SOX5: variants seen among roughly 807,000 people sequenced by gnomAD.
SOX5 encodes transcription factor SOX-5.
A neutral mutation model predicts 92.0 loss-of-function variants in SOX5; 9 were observed. The observed-to-expected ratio is 0.10, with a 90% CI of 0.06 to 0.17. SOX5 has a LOEUF of 0.17. SOX5 is among the 10% of genes least tolerant of loss of function. The pLI is 1.00. For synonymous variants in SOX5, 344 were observed against 336.3 expected, an observed-to-expected ratio of 1.02 and a Z score of -0.25; for missense variants, 642 against 944.5, an observed-to-expected ratio of 0.68 and a Z score of 4.20.
At chr12:23,821,862 C>A (rs1417293952) in intron 3 of SOX5, among the ~76,000 whole-genome samples, 1 of 151,902 alleles carries the variant, frequency 6.6e-6, no homozygotes. Flanking sequence ...GGTGTATGTG[C>A]CCAGGAATTT....
rs1261702605 is a variant in SOX5, at chr12:24,454,556, G to A, written c.-250-85917C>T. 2.0e-5 allele frequency among the ~76,000 whole-genome samples: 3 copies of A among 152,044 alleles called. No individual in the cohort carries two copies. The East Asian group carries it at 5.8e-4, about 29-fold the overall frequency. ...AGTAACAGATGCACAAGTATTTACGGGAATCGCTTTCTTTCTATTTTTTCC... is the reference window on the plus strand; with the variant it reads ...AGTAACAGATGCACAAGTATTTACGAGAATCGCTTTCTTTCTATTTTTTCC... On this transcript the variant is annotated intron_variant, in intron 1 of 4. Transcript: ENST00000446891.
At chr12:24,213,004 G>C (rs1282453210) in intron 4 of SOX5, among the ~76,000 whole-genome samples, 4 of 152,096 alleles carry the variant, frequency 2.6e-5, no homozygotes, top group African/African-American at 9.6e-5. Flanking sequence ...TTAAGAATTT[G>C]ATTCTTAAAA....
intron 6 of SOX5, among the ~76,000 whole-genome samples, chr12:23,688,629 C>G (rs546051156): frequency 4.7e-4 from 72 of 152,164 alleles, no homozygotes; most frequent in African/African-American, 1.7e-3. Context: ...AATAGTTTAG[C>G]AAATTATCAG....
At chr12:24,403,844 A>G (rs1159281287) in intron 1 of SOX5, among the ~76,000 whole-genome samples, 2 of 152,220 alleles carry the variant, frequency 1.3e-5, no homozygotes, top group Non-Finnish European at 2.9e-5. Context: ...AAATCTTATC[A>G]TGGACTTGTT....
At chr12:23,721,899 T>C (rs2092837620) in intron 6 of SOX5, among the ~76,000 whole-genome samples, 1 of 152,186 alleles carries the variant, frequency 6.6e-6, no homozygotes, top group Non-Finnish European at 1.5e-5. Context: ...AAAACGAGGA[T>C]ATATGAATGG....
At chr12:24,485,308 T>A (rs1946406211) in intron 1 of SOX5, among the ~76,000 whole-genome samples, 3 of 152,344 alleles carry the variant, frequency 2.0e-5, no homozygotes, top group South Asian at 2.1e-4. Context: ...CTAGCCTTGA[T>A]AATCAAACTT....
intron 4 of SOX5, among the ~76,000 whole-genome samples, chr12:24,157,575 T>C (rs1451300223): frequency 6.6e-6 from 1 of 152,138 alleles, no homozygotes; most frequent in African/African-American, 2.4e-5. Context: ...GTTGGATAGA[T>C]TGAAGATCCA....
intron 13 of SOX5, 37 bp from the exon 14 acceptor site, chr12:23,536,706 G>A: frequency 6.8e-7 from 1 of 1,478,924 alleles, no homozygotes; most frequent in South Asian, 1.1e-5. Flanking sequence ...AATTTGCACA[G>A]CTTCTAAGCA....
At chr12:23,576,018 T>C (rs1949046507) in intron 9 of SOX5, among the ~76,000 whole-genome samples, 180 bp from the exon 10 acceptor site, 1 of 152,224 alleles carries the variant, frequency 6.6e-6, no homozygotes, top group Admixed American at 6.5e-5. Flanking sequence ...CCTTCAACTA[T>C]ACATTCAAAA....
chr12:24,277,607 A>C (rs1944651635), intron 2 of SOX5, among the ~76,000 whole-genome samples: 1 of 149,046 alleles, frequency 6.7e-6, no homozygotes, highest in Non-Finnish European at 1.5e-5. Context: ...TACATATATA[A>C]ATGTAATAAA....
intron 4 of SOX5, among the ~76,000 whole-genome samples, chr12:23,994,399 C>T (rs1317485660): frequency 6.6e-6 from 1 of 152,020 alleles, no homozygotes; most frequent in African/African-American, 2.4e-5. Context: ...ATAAATTTGA[C>T]TGAATAATCT....
At chr12:24,346,453 C>CTTT (rs35587389) in intron 2 of SOX5, among the ~76,000 whole-genome samples, 4 of 140,958 alleles carry the variant, frequency 2.8e-5, no homozygotes, top group East Asian at 2.1e-4. Context: ...TTTTGGAGTA[C>CTTT]TTTTTTTTTT....
intron 4 of SOX5, among the ~76,000 whole-genome samples, chr12:24,010,724 C>T (rs555755051): frequency 6.6e-6 from 1 of 152,210 alleles, no homozygotes; most frequent in East Asian, 1.9e-4. Context: ...CACTTGCGGT[C>T]AGGGGCTCAT....
At chr12:24,095,122 C>CAGAGAGAGAGAGAGAGAGAGAGAGAGAG (rs1375437943) in intron 4 of SOX5, among the ~76,000 whole-genome samples, 7 of 93,984 alleles carry the variant, frequency 7.4e-5, no homozygotes, top group Admixed American at 1.1e-4. Flanking sequence ...CACACACACA[C>CAGAGAGAGAGAGAGAGAGAGAGAGAGAG]ACACACAGAG....
chr12:24,066,790 G>A (rs1345450771), intron 4 of SOX5, among the ~76,000 whole-genome samples: 1 of 152,134 alleles, frequency 6.6e-6, no homozygotes, highest in Non-Finnish European at 1.5e-5. Flanking sequence ...ACTAAGCAAT[G>A]GGGGAAAAGG....
chr12:24,110,082 A>T (rs1216454252), intron 4 of SOX5, among the ~76,000 whole-genome samples: 2 of 152,242 alleles, frequency 1.3e-5, no homozygotes. Flanking sequence ...AAAGTCCTTT[A>T]CTGCATCCCT....
At chr12:23,975,889 TCTTAA>T (rs1309411743) in intron 4 of SOX5, among the ~76,000 whole-genome samples, 2 of 152,204 alleles carry the variant, frequency 1.3e-5, no homozygotes, top group African/African-American at 2.4e-5. Flanking sequence ...AGATTATCCT[TCTTAA>T]CTTATAGATA....
At chr12:24,033,608 C>G (rs1287814474) in intron 4 of SOX5, among the ~76,000 whole-genome samples, 2 of 151,974 alleles carry the variant, frequency 1.3e-5, no homozygotes, top group African/African-American at 2.4e-5. Flanking sequence ...CATCTACTGA[C>G]GTAGACTTAC....
intron 5 of SOX5, among the ~76,000 whole-genome samples, chr12:23,740,145 G>C (rs1156981987): frequency 6.6e-6 from 1 of 152,110 alleles, no homozygotes; most frequent in African/African-American, 2.4e-5. Flanking sequence ...ATGCTGACTG[G>C]TGTTTCCAGC....
Sources: allele counts gnomAD v4.1 joint callset (sites outside exome capture counted in the v4.1 genomes callset), GRCh38; gene constraint gnomAD v4.1.1; transcripts MANE v1.5; gene names NCBI Gene and HGNC (gene_info 2026-07-23, HGNC 2026-07-21).